PTPRD: variants seen among roughly 807,000 people sequenced by gnomAD.
PTPRD encodes protein tyrosine phosphatase receptor type D.
Under a neutral mutation model 214.5 loss-of-function variants are expected in PTPRD, and 34 were observed. That is an observed-to-expected ratio of 0.16 (90% CI 0.12 to 0.21). The LOEUF is 0.21. PTPRD is among the 10% of genes least tolerant of loss of function. PTPRD has a pLI of 1.00. For synonymous variants in PTPRD, 1,128 were observed against 845.7 expected (o/e 1.33, Z -5.79); for missense variants, 2,545 against 2,398.7 (o/e 1.06, Z -1.27).
intron 8 of PTPRD, among the ~76,000 whole-genome samples, chr9:9,523,182 C>A (rs550077656): frequency 6.6e-6 from 1 of 152,010 alleles, no homozygotes; most frequent in African/African-American, 2.4e-5. Flanking sequence ...TCTTGGAGAA[C>A]AATATATTGT....
At chr9:10,208,360 A>G (rs1237291734) in intron 3 of PTPRD, among the ~76,000 whole-genome samples, 1 of 152,132 alleles carries the variant, frequency 6.6e-6, no homozygotes, top group African/African-American at 2.4e-5. Context: ...TAAAAATACA[A>G]AAAATTAGCC....
At chr9:8,439,778 T>G (rs2132741247) in intron 34 of PTPRD, among the ~76,000 whole-genome samples, 1 of 152,148 alleles carries the variant, frequency 6.6e-6, no homozygotes, top group African/African-American at 2.4e-5. Flanking sequence ...ATATGTTAGA[T>G]TTTGAATGAA....
intron 7 of PTPRD, among the ~76,000 whole-genome samples, chr9:9,625,777 G>T (rs2095407890): frequency 1.3e-5 from 2 of 152,126 alleles, no homozygotes; most frequent in South Asian, 2.1e-4. Flanking sequence ...TATCCGAACG[G>T]CCAGCAAAGC....
chr9:8,607,694 C>T (rs539368140), intron 14 of PTPRD, among the ~76,000 whole-genome samples: 1 of 152,046 alleles, frequency 6.6e-6, no homozygotes, highest in South Asian at 2.1e-4. Flanking sequence ...TGGGAGTGGC[C>T]CCTGGTTATA....
intron 5 of PTPRD, among the ~76,000 whole-genome samples, chr9:9,881,493 T>A (rs12343379): frequency 0.086 from 13,053 of 152,154 alleles, 1,345 homozygotes; most frequent in African/African-American, 0.25. Flanking sequence ...CCACCGCATC[T>A]TCATCTTTTA....
intron 8 of PTPRD, among the ~76,000 whole-genome samples, chr9:9,430,552 A>G (rs971263449): frequency 6.6e-6 from 1 of 152,206 alleles, no homozygotes; most frequent in African/African-American, 2.4e-5. Flanking sequence ...GAAAAAAACT[A>G]CTTTAAAGTT....
At chr9:8,465,700 A>G (rs755972076) in intron 31 of PTPRD, 25 bp from the exon 32 acceptor site, 2 of 1,575,222 alleles carry the variant, frequency 1.3e-6, no homozygotes, top group African/African-American at 1.4e-5. Context: ...TGGGAAACAG[A>G]AAAAGAACTG....
intron 11 of PTPRD, among the ~76,000 whole-genome samples, chr9:8,743,031 G>T (rs948979276): frequency 6.9e-6 from 1 of 144,154 alleles, no homozygotes; most frequent in African/African-American, 2.5e-5. Context: ...ATCCCATTCA[G>T]AATGTCAGCA....
intron 9 of PTPRD, among the ~76,000 whole-genome samples, chr9:9,364,744 T>C (rs2057376755): frequency 1.3e-5 from 2 of 151,464 alleles, no homozygotes; most frequent in African/African-American, 2.4e-5. Context: ...GCTATAAGAA[T>C]TGTGGCTTTA....
rs1465492197 is a variant in PTPRD at position 8,844,407 on chromosome 9, C to A, written c.-103-110461G>T. On this transcript the variant is annotated intron_variant, in intron 11 of 45. Transcript: ENST00000381196. ...TTTAAAAAATTGTTAATCACATTTA[C>A]ATTCCTTTTACTAAGCATATTTTTT... 2.6e-5 allele frequency among the ~76,000 whole-genome samples: 4 copies of A among 152,290 alleles called. No individual in the cohort carries two copies. In the East Asian group the frequency reaches 7.7e-4, roughly 29 times the overall value.
intron 12 of PTPRD, among the ~76,000 whole-genome samples, chr9:8,675,086 A>T (rs1385580038): frequency 6.6e-6 from 1 of 152,142 alleles, no homozygotes; most frequent in Non-Finnish European, 1.5e-5. Flanking sequence ...GCACCAATGC[A>T]GATAGCATTA....
At chr9:8,884,424 G>A (rs1012063005) in intron 11 of PTPRD, among the ~76,000 whole-genome samples, 8 of 152,182 alleles carry the variant, frequency 5.3e-5, no homozygotes, top group Non-Finnish European at 8.8e-5. Context: ...TAACCCAGAA[G>A]GTAGAATAAG....
At chr9:8,904,302 T>C (rs2098692583) in intron 11 of PTPRD, among the ~76,000 whole-genome samples, 1 of 152,210 alleles carries the variant, frequency 6.6e-6, no homozygotes, top group Admixed American at 6.5e-5. Context: ...GATGCTCTTA[T>C]GTAATATATA....
At chr9:9,703,813 C>T (rs561773878) in intron 7 of PTPRD, among the ~76,000 whole-genome samples, 1 of 152,048 alleles carries the variant, frequency 6.6e-6, no homozygotes, top group East Asian at 1.9e-4. Context: ...AAAATGTATA[C>T]AGTATTTTAA....
At chr9:9,500,568 T>A (rs1004388615) in intron 8 of PTPRD, among the ~76,000 whole-genome samples, 2 of 151,090 alleles carry the variant, frequency 1.3e-5, no homozygotes, top group African/African-American at 4.9e-5. Flanking sequence ...CACGGAGGCT[T>A]GAGAGTGGGT....
At chr9:9,101,739 T>C (rs1342385908) in intron 10 of PTPRD, among the ~76,000 whole-genome samples, 3 of 152,196 alleles carry the variant, frequency 2.0e-5, no homozygotes, top group African/African-American at 7.2e-5. Context: ...TATTCCCAAA[T>C]ACCCATATGA....
chr9:8,336,628 CAAAAAA>C (rs764320816), intron 43 of PTPRD, among the ~76,000 whole-genome samples: 1 of 114,592 alleles, frequency 8.7e-6, no homozygotes. Context: ...TTCTGCAGAG[CAAAAAA>C]AAAAAAAAAA....
intron 9 of PTPRD, among the ~76,000 whole-genome samples, chr9:9,221,046 C>T (rs991621073): frequency 1.3e-5 from 2 of 152,012 alleles, no homozygotes; most frequent in Non-Finnish European, 2.9e-5. Flanking sequence ...GTTGAAATAT[C>T]GGGTGTGAAG....
At position 9,071,706 on chromosome 9, in the gene PTPRD, C is replaced by T. The variant is rs532641232; in HGVS notation, c.-142-52971G>A. On this transcript the variant is annotated intron_variant, in intron 10 of 45. Transcript: ENST00000381196. ...ATCAAACCTACAGATGAAAATGCAA[C>T]CCGGCTGATAATACATGACCATGTA... is the stretch of plus-strand genomic sequence containing the variant. 1.3e-4 allele frequency among the ~76,000 whole-genome samples: 20 copies of T among 152,198 alleles called. No individual in the cohort carries two copies. The South Asian group carries it at 4.2e-3, about 32-fold the overall frequency.
Sources: gnomAD v4.1 joint callset for allele counts (sites outside exome capture counted in the v4.1 genomes callset) on GRCh38, gnomAD v4.1.1 for gene constraint, MANE v1.5 for transcripts, NCBI Gene and HGNC (gene_info 2026-07-23, HGNC 2026-07-21) for gene names.